CAMTA1: variants seen among roughly 807,000 people sequenced by gnomAD.
The protein encoded by CAMTA1 is calmodulin binding transcription activator 1, also known as calmodulin-binding transcription activator 1.
CAMTA1 carries 27 observed loss-of-function variants against 170.9 expected under a neutral mutation model. That is an observed-to-expected ratio of 0.16 (90% CI 0.12 to 0.22). The LOEUF is 0.22. CAMTA1 is among the 10% of genes least tolerant of loss of function. CAMTA1 has a pLI of 1.00. For synonymous variants in CAMTA1, 833 were observed against 891.5 expected (o/e 0.93, Z 1.17); for missense variants, 1,619 against 2,217.2 (o/e 0.73, Z 5.42).
At chr1:7,085,012 C>T (rs1323590772) in intron 3 of CAMTA1, among the ~76,000 whole-genome samples, 1 of 152,142 alleles carries the variant, frequency 6.6e-6, no homozygotes, top group Non-Finnish European at 1.5e-5. Flanking sequence ...CTTTTAAGTT[C>T]TGAGATCCAT....
chr1:7,757,837 T>C (rs1473514733), intron 22 of CAMTA1, among the ~76,000 whole-genome samples: 1 of 152,196 alleles, frequency 6.6e-6, no homozygotes, highest in African/African-American at 2.4e-5. Flanking sequence ...AAAATTTGTT[T>C]TTTGGGGGAA....
At chr1:7,018,747 C>T (rs536853957) in intron 3 of CAMTA1, among the ~76,000 whole-genome samples, 1 of 152,226 alleles carries the variant, frequency 6.6e-6, no homozygotes, top group African/African-American at 2.4e-5. Flanking sequence ...GTCTATTTCC[C>T]GTTGTTGGGG....
At chr1:7,596,403 G>A (rs1225477922) in intron 6 of CAMTA1, among the ~76,000 whole-genome samples, 3 of 152,164 alleles carry the variant, frequency 2.0e-5, no homozygotes, top group African/African-American at 7.2e-5. Context: ...TCTTGGCCCC[G>A]AATCTGCCCA....
intron 1 of CAMTA1, chr1:6,806,848 G>A (rs565109110): frequency 2.5e-6 from 1 of 398,514 alleles, no homozygotes; most frequent in Admixed American, 4.4e-5. Flanking sequence ...TTATATAATT[G>A]TTATTATTAC....
chr1:7,588,334 C>T lies in CAMTA1; in HGVS notation c.511-52066C>T, dbSNP rs958973769. On this transcript the variant is annotated intron_variant, in intron 6 of 22. Coordinates refer to ENST00000303635, the MANE Select transcript of CAMTA1 (RefSeq NM_015215.4). The surrounding 1 kb of genome is among the most constrained non-coding windows in gnomAD (Gnocchi z 5.8). ...TCAGGTCTGGTGAGAGGTGGCTCTG[C>T]AGTCTGGAGCCCTTTGCTCTGCCAC... 2.6e-5 allele frequency among the ~76,000 whole-genome samples: 4 copies of T among 152,208 alleles called. No individual in the cohort carries two copies. The highest frequency in any genetic ancestry group is 9.7e-5 in the African/African-American group (4 of 41,448).
intron 5 of CAMTA1, among the ~76,000 whole-genome samples, chr1:7,409,627 GC>G (rs2090561187): frequency 6.6e-6 from 1 of 152,224 alleles, no homozygotes; most frequent in East Asian, 1.9e-4. Context: ...CCTCCCAGCT[GC>G]CCACGGGGTA....
rs2090017263 is a variant in CAMTA1 at position 7,402,959 on chromosome 1, G to A, written c.439-64871G>A. Among the ~76,000 whole-genome samples, 3 of 152,208 alleles carry A rather than the reference G, an allele frequency of 2.0e-5. No individual in the cohort carries two copies. In the South Asian group the frequency reaches 6.2e-4, roughly 32 times the overall value. ...TTCACAAAATGGTACCTGGTACAGAGTAAGGGATTAGAGAATATTGTTTGA... is the reference window on the plus strand; with the variant it reads ...TTCACAAAATGGTACCTGGTACAGAATAAGGGATTAGAGAATATTGTTTGA... On this transcript the variant is annotated intron_variant, in intron 5 of 22. Transcript: ENST00000303635.
intron 3 of CAMTA1, among the ~76,000 whole-genome samples, chr1:7,046,114 C>G (rs1705341874): frequency 6.6e-6 from 1 of 152,196 alleles, no homozygotes; most frequent in Admixed American, 6.5e-5. Context: ...TAGAAGTGCA[C>G]AGAAAGTCTG....
At chr1:7,507,002 A>G (rs2094126157) in intron 6 of CAMTA1, among the ~76,000 whole-genome samples, 1 of 148,264 alleles carries the variant, frequency 6.7e-6, no homozygotes, top group Non-Finnish European at 1.5e-5. Context: ...CAAAATTCAC[A>G]CTAACATCTC....
In CAMTA1 at chr1:7,344,418, G is replaced by A. The variant is rs959273358; in HGVS notation, c.438+94792G>A. Among the ~76,000 whole-genome samples the A allele has an allele frequency of 3.3e-5, 5 of 152,204 alleles. 1 individual carries two copies. Among genetic ancestry groups the A allele is most frequent in the Non-Finnish European group, 7.3e-5 (5 of 68,034 alleles). On this transcript the variant is annotated intron_variant, in intron 5 of 22. Transcript: ENST00000303635. ...CAAGGCTGGCTGGATTAGAAGGCAGGGGAACTGGATTTCACCTCTCAGTAA... is the reference window on the plus strand; with the variant it reads ...CAAGGCTGGCTGGATTAGAAGGCAGAGGAACTGGATTTCACCTCTCAGTAA...
chr1:7,730,380 ATG>A (rs1435905902), intron 11 of CAMTA1, among the ~76,000 whole-genome samples: 2 of 152,034 alleles, frequency 1.3e-5, no homozygotes, highest in African/African-American at 4.8e-5. Context: ...GGGCCTTCGC[ATG>A]TGCTATTACC....
chr1:7,142,923 G>A (rs1321351480), intron 4 of CAMTA1, among the ~76,000 whole-genome samples: 1 of 152,202 alleles, frequency 6.6e-6, no homozygotes, highest in Non-Finnish European at 1.5e-5. Context: ...GGCTTTCATG[G>A]TGCTTTTGGG....
At chr1:7,677,010 G>A (rs993279616) in intron 10 of CAMTA1, among the ~76,000 whole-genome samples, 4 of 152,106 alleles carry the variant, frequency 2.6e-5, no homozygotes, top group African/African-American at 9.7e-5. Context: ...GGAGGGAGGT[G>A]CAACCTTCAC....
chr1:7,343,202 G>T (rs2083965115), intron 5 of CAMTA1, among the ~76,000 whole-genome samples: 1 of 152,164 alleles, frequency 6.6e-6, no homozygotes, highest in Non-Finnish European at 1.5e-5. Context: ...GGCACACAAT[G>T]GTGAAATAAA....
chr1:7,559,732 G>A (rs1026443864), intron 6 of CAMTA1, among the ~76,000 whole-genome samples: 3 of 152,028 alleles, frequency 2.0e-5, no homozygotes, highest in Non-Finnish European at 2.9e-5. Flanking sequence ...CAGGAGCTTG[G>A]CATCCTCACT....
At chr1:7,489,804 G>T (rs2093675641) in intron 6 of CAMTA1, among the ~76,000 whole-genome samples, 7 of 152,118 alleles carry the variant, frequency 4.6e-5, no homozygotes, top group Admixed American at 4.6e-4. Flanking sequence ...CCATGCCAGG[G>T]GCCTTCGGCC....
intron 3 of CAMTA1, among the ~76,000 whole-genome samples, chr1:6,902,073 A>ACACACACACACACAC (rs772368106): frequency 2.8e-4 from 22 of 78,484 alleles, no homozygotes; most frequent in African/African-American, 6.7e-4. Flanking sequence ...ACACACACAC[A>ACACACACACACACAC]AAAAAAAAAA....
rs1485070722 is a variant in CAMTA1 at position 6,970,426 on chromosome 1, CAGA to C, written c.235-120875_235-120873del. 2.0e-5 allele frequency among the ~76,000 whole-genome samples: 3 copies of C among 152,064 alleles called. No homozygotes were observed. The highest frequency in any genetic ancestry group is 4.4e-5 in the Non-Finnish European group (3 of 68,012). On this transcript the variant is annotated intron_variant, in intron 3 of 22. Transcript: ENST00000303635. The surrounding 1 kb of genome is among the most constrained non-coding windows in gnomAD (Gnocchi z 4.4). Reference sequence around the variant, plus strand: ...ATGGGTGGCAGGGAGTGGGAGGCAGCAGAAGGAGTGGAGGCCGGTCCCAGACCA... The same window carrying C: ...ATGGGTGGCAGGGAGTGGGAGGCAGCAGGAGTGGAGGCCGGTCCCAGACCA...
chr1:7,355,756 C>T (rs750144116), intron 5 of CAMTA1, among the ~76,000 whole-genome samples: 5 of 152,218 alleles, frequency 3.3e-5, no homozygotes, highest in Non-Finnish European at 7.3e-5. Flanking sequence ...CTCTCAGGTC[C>T]ACACTCTAGC....
Sources: gnomAD v4.1 joint callset for allele counts (sites outside exome capture counted in the v4.1 genomes callset) on GRCh38, gnomAD v4.1.1 for gene constraint, Gnocchi (gnomAD v3.1) non-coding constraint, MANE v1.5 for transcripts, NCBI Gene and HGNC (gene_info 2026-07-23, HGNC 2026-07-21) for gene names.